Variants in RAB22A observed in about 807,000 individuals in gnomAD.
RAB22A encodes the protein RAB22A, member RAS oncogene family.
RAB22A carries 13 observed loss-of-function variants against 30.2 expected under a neutral mutation model. The ratio of observed to expected loss-of-function variants is 0.43; its 90% CI spans 0.28 to 0.68. The LOEUF is 0.68. Ranked by LOEUF, RAB22A falls within the 30% of genes least tolerant of loss-of-function variation. RAB22A has a pLI of 0.18. For synonymous variants in RAB22A, 89 were observed against 87.2 expected (o/e 1.02, Z -0.11); for missense variants, 177 against 246.8 (o/e 0.72, Z 1.89).
At chr20:58,349,956 T>A (rs1448511375) in intron 3 of RAB22A, among the ~76,000 whole-genome samples, 1 of 152,214 alleles carries the variant, frequency 6.6e-6, no homozygotes, top group Non-Finnish European at 1.5e-5. Flanking sequence ...ATTTTACATA[T>A]GTTCAGAGAT....
At chr20:58,327,257 G>A (rs748077054) in intron 2 of RAB22A, among the ~76,000 whole-genome samples, 1 of 152,076 alleles carries the variant, frequency 6.6e-6, no homozygotes, top group Non-Finnish European at 1.5e-5. Context: ...GTAACAAATC[G>A]TCCCAGTATT....
At chr20:58,317,520 A>G (rs1045215659) in intron 2 of RAB22A, among the ~76,000 whole-genome samples, 8 of 150,814 alleles carry the variant, frequency 5.3e-5, no homozygotes, top group Non-Finnish European at 1.2e-4. Context: ...GGAAAGTACC[A>G]TGGATACTAG....
At position 58,338,698 on chromosome 20, in the gene RAB22A, T is replaced by A. The variant is rs564763636; in HGVS notation, c.117-5020T>A. Among the ~76,000 whole-genome samples the A allele has an allele frequency of 2.6e-5, 4 of 152,338 alleles. No individual in the cohort carries two copies. The South Asian group carries it at 8.3e-4, about 32-fold the overall frequency. ...TCAGCTAACCCTCACTGAGAACCCA[T>A]CAAGTTCTTTGCACCATTCTAACAG... On this transcript the variant is annotated intron_variant, in intron 2 of 6. Transcript: ENST00000244040.
At chr20:58,356,873 G>A (rs1263412321) in intron 6 of RAB22A, among the ~76,000 whole-genome samples, 2 of 152,136 alleles carry the variant, frequency 1.3e-5, no homozygotes, top group South Asian at 2.1e-4. Flanking sequence ...TGCGGGTAAG[G>A]GGGCAGTGAA....
chr20:58,360,972 T>A lies in RAB22A; in HGVS notation c.*1269T>A, dbSNP rs941993358. On this transcript the variant is annotated 3_prime_UTR_variant, in exon 7 of 7. Coordinates refer to ENST00000244040, the MANE Select transcript of RAB22A (RefSeq NM_020673.3). ...TAAGTTTCTTTTAGCTTGTACAGCA[T>A]CCTCAGACCAACTGAGGAGCTTTCC... 1 of 152,568 alleles carries A rather than the reference T, an allele frequency of 6.6e-6. No homozygotes were observed. Among genetic ancestry groups the A allele is most frequent in the Non-Finnish European group, 1.5e-5 (1 of 68,036 alleles). The allele number at this position is 152,568 out of a possible 1,614,324, so 9.5% of individuals were successfully genotyped here. A position where few individuals can be genotyped will look rare whatever the true frequency, so the allele number is the denominator to read the frequency against.
intron 2 of RAB22A, among the ~76,000 whole-genome samples, chr20:58,324,891 G>A (rs1385020684): frequency 1.9e-5 from 2 of 107,826 alleles, no homozygotes; most frequent in East Asian, 6.0e-4. Flanking sequence ...AAAAAAAACT[G>A]TACGCCAGGC....
At chr20:58,326,872 G>A (rs944088264) in intron 2 of RAB22A, among the ~76,000 whole-genome samples, 69 of 152,136 alleles carry the variant, frequency 4.5e-4, no homozygotes, top group African/African-American at 1.6e-3. Context: ...AGTGGTGAGA[G>A]CCAACATCCT....
At chr20:58,323,901 A>G (rs1050952214) in intron 2 of RAB22A, among the ~76,000 whole-genome samples, 6 of 152,050 alleles carry the variant, frequency 3.9e-5, no homozygotes, top group African/African-American at 1.4e-4. Context: ...AATGTGGTAA[A>G]TTATATCATT....
At chr20:58,357,387 G>A (rs903463567) in intron 6 of RAB22A, among the ~76,000 whole-genome samples, 9 of 152,148 alleles carry the variant, frequency 5.9e-5, no homozygotes, top group Non-Finnish European at 1.3e-4. Context: ...TATATTGGAA[G>A]TATCTTCTAC....
chr20:58,325,810 C>T (rs1986560922), intron 2 of RAB22A, among the ~76,000 whole-genome samples: 1 of 152,164 alleles, frequency 6.6e-6, no homozygotes, highest in Non-Finnish European at 1.5e-5. Flanking sequence ...AGGTTGTATT[C>T]TCTACAGCTG....
intron 2 of RAB22A, among the ~76,000 whole-genome samples, chr20:58,324,987 C>T (rs532241953): frequency 1.3e-3 from 192 of 146,644 alleles, no homozygotes; most frequent in African/African-American, 4.8e-3. Flanking sequence ...CCATCCTGGC[C>T]AACATGGTGA....
chr20:58,318,902 G>T (rs765195387), intron 2 of RAB22A, among the ~76,000 whole-genome samples: 28 of 152,230 alleles, frequency 1.8e-4, no homozygotes, highest in Non-Finnish European at 1.5e-4. Flanking sequence ...TGCACATTTG[G>T]GAATCCTCCT....
chr20:58,324,794 G>A (rs1393806632), intron 2 of RAB22A, among the ~76,000 whole-genome samples: 4 of 149,346 alleles, frequency 2.7e-5, no homozygotes, highest in South Asian at 4.3e-4. Flanking sequence ...TTGAACCGGG[G>A]AGTCGGAGGT....
At chr20:58,315,088 T>C (rs1986308866) in intron 2 of RAB22A, among the ~76,000 whole-genome samples, 1 of 151,742 alleles carries the variant, frequency 6.6e-6, no homozygotes, top group African/African-American at 2.4e-5. Flanking sequence ...GGCCCTGGAG[T>C]CCGGAGGAGG....
rs745515154 is a variant in RAB22A at position 58,365,400 on chromosome 20, G to C, written c.*5697G>C. ...CATGCCCATGGTGGTGCTTGACTTT[G>C]CTTTGGGGCTTAATCCTAGTATCAT... On this transcript the variant is annotated 3_prime_UTR_variant, in exon 7 of 7. Transcript: ENST00000244040. 6.6e-6 allele frequency: 1 copy of C among 152,202 alleles called. No individual in the cohort carries two copies. Among genetic ancestry groups the C allele is most frequent in the Non-Finnish European group, 1.5e-5 (1 of 68,038 alleles). 9.4% of individuals were successfully genotyped at this position (152,202 alleles called of 1,614,324 possible).
chr20:58,320,176 T>C (rs1986425032), intron 2 of RAB22A, among the ~76,000 whole-genome samples: 1 of 152,212 alleles, frequency 6.6e-6, no homozygotes, highest in Admixed American at 6.5e-5. Context: ...GTATTACGTC[T>C]TCCTTAAAGT....
chr20:58,347,514 A>G (rs1232721477), intron 3 of RAB22A, among the ~76,000 whole-genome samples: 2 of 152,236 alleles, frequency 1.3e-5, no homozygotes, highest in Non-Finnish European at 2.9e-5. Context: ...TGATAAGACT[A>G]TGAAAGTCAA....
At chr20:58,355,063 G>T (rs572920094) in intron 6 of RAB22A, among the ~76,000 whole-genome samples, 1 of 152,320 alleles carries the variant, frequency 6.6e-6, no homozygotes, top group Admixed American at 6.5e-5. Context: ...GCCCTGTAGA[G>T]GTGTGGGGAG....
chr20:58,311,243 A>C, intron 2 of RAB22A, 121 bp downstream of exon 2: 4 of 936,742 alleles, frequency 4.3e-6, no homozygotes, highest in Non-Finnish European at 6.9e-6. Flanking sequence ...GCTGGTTCGC[A>C]TCATCTCTGG....
Sources: allele counts gnomAD v4.1 joint callset (sites outside exome capture counted in the v4.1 genomes callset), GRCh38; gene constraint gnomAD v4.1.1; transcripts MANE v1.5; gene names NCBI Gene and HGNC (gene_info 2026-07-23, HGNC 2026-07-21).